Variants in RBFOX1 observed in about 807,000 individuals in gnomAD.
RBFOX1 encodes the protein RNA binding fox-1 homolog 1.
A neutral mutation model predicts 57.7 loss-of-function variants in RBFOX1; 8 were observed. That is an observed-to-expected ratio of 0.14 (90% confidence interval 0.08 to 0.25). The LOEUF (loss-of-function observed/expected upper bound fraction) is 0.25, where lower values mean the gene tolerates loss of function less well. RBFOX1 is among the 10% of genes least tolerant of loss of function. The pLI is 1.00. For missense variants in RBFOX1, 611 were observed against 548.5 expected (o/e 1.11, Z -1.14); for synonymous variants, 326 against 222.4 (o/e 1.47, Z -4.15).
chr16:5,746,846 T>A (rs898447549), intron 3 of RBFOX1, among the ~76,000 whole-genome samples: 1 of 152,168 alleles, frequency 6.6e-6, no homozygotes, highest in Non-Finnish European at 1.5e-5. Context: ...TGGGCTGAGA[T>A]GGTGGGGTTT....
chr16:5,618,804 A>T (rs1431706306), intron 3 of RBFOX1, among the ~76,000 whole-genome samples: 1 of 152,202 alleles, frequency 6.6e-6, no homozygotes, highest in Admixed American at 6.5e-5. Context: ...CTTTTACTTA[A>T]AAGCGTTAAA....
At chr16:7,422,435 C>A (rs377564913) in intron 4 of RBFOX1, among the ~76,000 whole-genome samples, 1 of 152,138 alleles carries the variant, frequency 6.6e-6, no homozygotes, top group African/African-American at 2.4e-5. Context: ...TGCATTATTT[C>A]GGTTGCCTTT....
At chr16:5,748,625 A>G (rs946593538) in intron 3 of RBFOX1, among the ~76,000 whole-genome samples, 3 of 152,130 alleles carry the variant, frequency 2.0e-5, no homozygotes, top group African/African-American at 7.2e-5. Context: ...CCATTATATA[A>G]TGGCCTTCTT....
chr16:5,861,223 G>A (rs1292304635), intron 3 of RBFOX1, among the ~76,000 whole-genome samples: 1 of 152,134 alleles, frequency 6.6e-6, no homozygotes, highest in African/African-American at 2.4e-5. Context: ...CAGCCAGCTG[G>A]GTCTGTTCAC....
At position 7,588,405 on chromosome 16, in the gene RBFOX1, G is replaced by A. The variant is rs538955951; in HGVS notation, c.468+1105G>A. Among the ~76,000 whole-genome samples the A allele has an allele frequency of 1.4e-3, 217 of 152,210 alleles. 1 individual carries two copies. Among genetic ancestry groups the A allele is most frequent in the African/African-American group, 4.9e-3 (202 of 41,534 alleles). On this transcript the variant is annotated intron_variant, in intron 7 of 15. Transcript: ENST00000550418. The stretch of plus-strand genomic sequence containing the variant: ...GCAACCTGTGTTTTAGCTCCACTGA[G>A]GAAAACAACACATGAGGCCTATAAG...
chr16:6,741,689 G>A (rs12446608), intron 3 of RBFOX1, among the ~76,000 whole-genome samples: 13,470 of 151,218 alleles, frequency 0.089, 744 homozygotes, highest in East Asian at 0.17. Context: ...AAAAAATTAA[G>A]GATGTGGTCT....
chr16:5,776,106 A>G lies in RBFOX1; in HGVS notation c.319-91197A>G, dbSNP rs542347293. ...AACATTATGTCTACATTTCTGGGATAATGGATAATTAAGTGAGTTCCCTTG... is the reference window on the plus strand; with the variant it reads ...AACATTATGTCTACATTTCTGGGATGATGGATAATTAAGTGAGTTCCCTTG... On this transcript the variant is annotated intron_variant, in intron 3 of 19. Transcript: ENST00000641259. Among the ~76,000 whole-genome samples the G allele has an allele frequency of 9.8e-5, 15 of 152,352 alleles. No individual in the cohort carries two copies. In the East Asian group the frequency reaches 2.9e-3, roughly 29 times the overall value.
intron 3 of RBFOX1, among the ~76,000 whole-genome samples, chr16:5,860,826 G>T (rs1189341121): frequency 6.6e-6 from 1 of 152,122 alleles, no homozygotes; most frequent in African/African-American, 2.4e-5. Flanking sequence ...ATACTGGGAG[G>T]CCAGCAAAAA....
chr16:6,659,796 T>G (rs1372512299), intron 3 of RBFOX1, among the ~76,000 whole-genome samples: 1 of 152,062 alleles, frequency 6.6e-6, no homozygotes, highest in Non-Finnish European at 1.5e-5. Context: ...AGTGGGGTGG[T>G]CAGATGTCTT....
intron 4 of RBFOX1, among the ~76,000 whole-genome samples, chr16:7,073,644 G>T (rs1188581184): frequency 6.6e-6 from 1 of 151,932 alleles, no homozygotes; most frequent in Admixed American, 6.6e-5. Flanking sequence ...AAGACTTCAA[G>T]ACCGGCCTGG....
chr16:6,661,975 T>C (rs557546544), intron 3 of RBFOX1, among the ~76,000 whole-genome samples: 1 of 152,282 alleles, frequency 6.6e-6, no homozygotes, highest in South Asian at 2.1e-4. Context: ...AATCCTGCCA[T>C]GTGCAACAAG....
At chr16:5,686,259 T>C (rs2050501995) in intron 3 of RBFOX1, among the ~76,000 whole-genome samples, 2 of 152,176 alleles carry the variant, frequency 1.3e-5, no homozygotes. Context: ...TAAATGGAAC[T>C]GGGCACTGTG....
At chr16:7,452,355 T>G (rs1489448623) in intron 4 of RBFOX1, among the ~76,000 whole-genome samples, 1 of 152,218 alleles carries the variant, frequency 6.6e-6, no homozygotes, top group Admixed American at 6.5e-5. Flanking sequence ...TGCATTGTGC[T>G]AAGAGCTTAG....
chr16:6,264,921 T>C (rs548961868), intron 1 of RBFOX1, among the ~76,000 whole-genome samples: 7 of 152,320 alleles, frequency 4.6e-5, no homozygotes, highest in African/African-American at 1.7e-4. Flanking sequence ...GGTTGAATAA[T>C]TGAGCGAAGG....
intron 4 of RBFOX1, among the ~76,000 whole-genome samples, chr16:7,154,743 A>T (rs1189993109): frequency 6.7e-6 from 1 of 149,396 alleles, no homozygotes; most frequent in Non-Finnish European, 1.5e-5. Context: ...GAATATTTGC[A>T]TGTACCACAT....
At chr16:5,240,722 T>C (rs2049700) in intron 1 of RBFOX1, among the ~76,000 whole-genome samples, 151,181 of 152,326 alleles carry the variant, frequency 0.99, 75,027 homozygotes, top group Middle Eastern at 1. Flanking sequence ...CTTGCATCCC[T>C]CGGGGCGCTG....
intron 11 of RBFOX1, among the ~76,000 whole-genome samples, chr16:7,651,793 C>G (rs1027928000): frequency 2.6e-5 from 4 of 152,164 alleles, no homozygotes; most frequent in African/African-American, 9.7e-5. Context: ...CCTTTTGAGC[C>G]TTTGCTGTGG....
At chr16:6,757,334 G>T (rs2075959821) in intron 3 of RBFOX1, among the ~76,000 whole-genome samples, 1 of 152,030 alleles carries the variant, frequency 6.6e-6, no homozygotes, top group African/African-American at 2.4e-5. Context: ...TATCTGAAAG[G>T]ACCTGCACAC....
At chr16:7,179,534 G>A (rs997756548) in intron 4 of RBFOX1, among the ~76,000 whole-genome samples, 1 of 151,982 alleles carries the variant, frequency 6.6e-6, no homozygotes, top group Non-Finnish European at 1.5e-5. Flanking sequence ...TGTTAGACCT[G>A]TTAGGTGTTG....
Sources: allele counts gnomAD v4.1 joint callset (sites outside exome capture counted in the v4.1 genomes callset), GRCh38; gene constraint gnomAD v4.1.1; transcripts MANE v1.5; gene names NCBI Gene and HGNC (gene_info 2026-07-23, HGNC 2026-07-21).